Variants in ADAMTSL1 observed in about 807,000 individuals in gnomAD.
ADAMTSL1 encodes ADAMTS like 1.
Under a neutral mutation model 201.8 loss-of-function variants are expected in ADAMTSL1, and 126 were observed. That is an observed-to-expected ratio of 0.62 (90% CI 0.54 to 0.72). The LOEUF is 0.72. ADAMTSL1 is among the 30% of genes least tolerant of loss of function. The pLI, the probability that ADAMTSL1 is intolerant of heterozygous loss-of-function variation, is 0.00. For synonymous variants in ADAMTSL1, 1,121 were observed against 903.4 expected, an observed-to-expected ratio of 1.24 and a Z score of -4.32; for missense variants, 2,679 against 2,277.8, an observed-to-expected ratio of 1.18 and a Z score of -3.59.
At chr9:18,256,570 A>G (rs1274554162) in intron 2 of ADAMTSL1, among the ~76,000 whole-genome samples, 1 of 152,236 alleles carries the variant, frequency 6.6e-6, no homozygotes, top group Non-Finnish European at 1.5e-5. Flanking sequence ...ACATGAATAG[A>G]ATATGGTTTC....
At chr9:18,595,681 A>G (rs1385101036) in intron 4 of ADAMTSL1, among the ~76,000 whole-genome samples, 5 of 152,230 alleles carry the variant, frequency 3.3e-5, no homozygotes. Context: ...TTTCGGGTCC[A>G]CTGCCAAGGC....
Position 18,237,769 on chromosome 9 carries a change from A to C in ADAMTSL1, c.207+73788A>C, listed in dbSNP as rs564810289. On this transcript the variant is annotated intron_variant, in intron 2 of 29. Coordinates refer to the ADAMTSL1 transcript ENST00000680146. ...TATCCCATCCCATTTTACATAATTC[A>C]TCAGTACTTAATTGTACACTGTTTT... Among the ~76,000 whole-genome samples, 293 of 152,370 alleles carry C rather than the reference A, an allele frequency of 1.9e-3. 4 individuals are homozygous for C. Among genetic ancestry groups the C allele is most frequent in the Non-Finnish European group, 3.5e-3 (241 of 68,038 alleles).
intron 19 of ADAMTSL1, among the ~76,000 whole-genome samples, chr9:18,779,211 T>C (rs1006633269): frequency 6.6e-6 from 1 of 152,254 alleles, no homozygotes; most frequent in Non-Finnish European, 1.5e-5. Context: ...TCAAGTTTAT[T>C]TGATTCCAAG....
intron 3 of ADAMTSL1, among the ~76,000 whole-genome samples, chr9:18,536,173 A>C (rs891088878): frequency 3.3e-5 from 5 of 152,304 alleles, no homozygotes; most frequent in African/African-American, 7.2e-5. Flanking sequence ...TCATGATCAC[A>C]TCCCAGTTTT....
At chr9:18,059,163 G>A (rs138472897) in intron 1 of ADAMTSL1, among the ~76,000 whole-genome samples, 25 of 152,200 alleles carry the variant, frequency 1.6e-4, no homozygotes, top group Admixed American at 3.3e-4. Context: ...TCACAGACAC[G>A]AACTCCTGGT....
intron 14 of ADAMTSL1, among the ~76,000 whole-genome samples, chr9:18,711,799 C>G (rs1832624300): frequency 6.6e-6 from 1 of 151,872 alleles, no homozygotes. Flanking sequence ...GGGCAGGGCA[C>G]AGACAAACAA....
At chr9:18,549,663 A>C (rs1820679962) in intron 3 of ADAMTSL1, among the ~76,000 whole-genome samples, 1 of 152,026 alleles carries the variant, frequency 6.6e-6, no homozygotes, top group African/African-American at 2.4e-5. Context: ...TTGAAGTTAG[A>C]CATGACCACA....
At chr9:18,039,685 G>A (rs764583558) in intron 1 of ADAMTSL1, among the ~76,000 whole-genome samples, 5 of 152,116 alleles carry the variant, frequency 3.3e-5, no homozygotes, top group Non-Finnish European at 5.9e-5. Context: ...GTGGAGACAT[G>A]CACACGTAGA....
At chr9:17,936,814 C>T (rs566731474) in intron 1 of ADAMTSL1, among the ~76,000 whole-genome samples, 54 of 152,278 alleles carry the variant, frequency 3.5e-4, no homozygotes, top group African/African-American at 1.3e-3. Context: ...CACAAATAAA[C>T]TTTAAAGTAC....
chr9:18,208,854 G>A (rs10963518), intron 2 of ADAMTSL1, among the ~76,000 whole-genome samples: 26,068 of 152,064 alleles, frequency 0.17, 2,341 homozygotes, highest in East Asian at 0.25. Flanking sequence ...CTTTACCTAT[G>A]CCTCTTTCTG....
chr9:18,174,140 T>A (rs551272999), intron 2 of ADAMTSL1, among the ~76,000 whole-genome samples: 4 of 152,272 alleles, frequency 2.6e-5, no homozygotes, highest in African/African-American at 9.6e-5. Flanking sequence ...CACCAAAGAA[T>A]AGTTTATTGC....
intron 1 of ADAMTSL1, among the ~76,000 whole-genome samples, chr9:17,950,133 C>G (rs963031722): frequency 1.7e-4 from 26 of 152,130 alleles, no homozygotes; most frequent in African/African-American, 5.5e-4. Context: ...TCTCGAACTC[C>G]TGGACTCAGG....
intron 1 of ADAMTSL1, among the ~76,000 whole-genome samples, chr9:18,128,633 T>C (rs1241888302): frequency 6.6e-6 from 1 of 152,162 alleles, no homozygotes; most frequent in South Asian, 2.1e-4. Context: ...CTATTGAGTA[T>C]GGTACATGAA....
intron 2 of ADAMTSL1, among the ~76,000 whole-genome samples, chr9:18,531,192 G>A (rs565322944): frequency 7.2e-5 from 11 of 152,256 alleles, no homozygotes; most frequent in African/African-American, 2.6e-4. Flanking sequence ...TCCATCACAT[G>A]GACCAGAGTA....
intron 1 of ADAMTSL1, among the ~76,000 whole-genome samples, chr9:17,939,456 C>T (rs1055427299): frequency 2.0e-5 from 3 of 151,940 alleles, no homozygotes; most frequent in African/African-American, 7.3e-5. Flanking sequence ...GACATTTTCA[C>T]CTCATTAGTG....
chr9:18,670,155 TTTTTAAAATATAG>T (rs1458312416), intron 9 of ADAMTSL1, among the ~76,000 whole-genome samples: 3 of 152,182 alleles, frequency 2.0e-5, no homozygotes, highest in Non-Finnish European at 4.4e-5. Context: ...TTTTGTTCAT[TTTTTAAAATATAG>T]TCACCTATTT....
At chr9:18,617,465 T>C (rs1431360468) in intron 4 of ADAMTSL1, among the ~76,000 whole-genome samples, 2 of 142,478 alleles carry the variant, frequency 1.4e-5, no homozygotes, top group Non-Finnish European at 3.0e-5. Context: ...CAACTTGGAT[T>C]GGATGCTATG....
In ADAMTSL1 at chr9:18,318,389, G is replaced by T. The variant is rs140546496; in HGVS notation, c.207+154408G>T. Among the ~76,000 whole-genome samples the T allele has an allele frequency of 1.8e-3, 268 of 152,266 alleles. 1 individual carries two copies. The highest frequency in any genetic ancestry group is 6.3e-3 in the African/African-American group (260 of 41,552). On this transcript the variant is annotated intron_variant, in intron 2 of 29. Coordinates refer to the ADAMTSL1 transcript ENST00000680146. Reference sequence around the variant, plus strand: ...ATCAGCACTACCTGGAAACTTGTTAGAAATGTAAATTCCTGGGTGCCACAC... The same window carrying T: ...ATCAGCACTACCTGGAAACTTGTTATAAATGTAAATTCCTGGGTGCCACAC...
intron 3 of ADAMTSL1, among the ~76,000 whole-genome samples, chr9:18,559,200 G>A (rs1215943838): frequency 6.6e-6 from 1 of 152,076 alleles, no homozygotes; most frequent in East Asian, 1.9e-4. Context: ...GTAAGGAAGT[G>A]GTCCAGTTTC....
Sources: allele counts gnomAD v4.1 joint callset (sites outside exome capture counted in the v4.1 genomes callset), GRCh38; gene constraint gnomAD v4.1.1; transcripts MANE v1.5; gene names NCBI Gene and HGNC (gene_info 2026-07-23, HGNC 2026-07-21).